The following GRID2 variants were observed in gnomAD, a reference collection of about 807,000 sequenced individuals.
GRID2 encodes glutamate receptor ionotropic, delta-2.
A neutral mutation model predicts 114.8 loss-of-function variants in GRID2; 33 were observed. The ratio of observed to expected loss-of-function variants is 0.29; its 90% confidence interval spans 0.22 to 0.38. GRID2 has a LOEUF of 0.38. GRID2 is among the 10% of genes least tolerant of loss of function. The probability of loss-of-function intolerance (pLI) is 1.00; values close to 1 mark genes in which losing one functional copy is unlikely to be tolerated. For synonymous variants in GRID2, 505 were observed against 449.9 expected (o/e 1.12, Z -1.55); for missense variants, 1,184 against 1,257.7 (o/e 0.94, Z 0.89).
intron 1 of GRID2, among the ~76,000 whole-genome samples, chr4:92,483,155 T>C (rs1722699294): frequency 6.6e-6 from 1 of 152,060 alleles, no homozygotes. Flanking sequence ...CTGGCCAATA[T>C]GGCGAAAACC....
chr4:92,736,859 C>G (rs1239382349), intron 2 of GRID2, among the ~76,000 whole-genome samples: 1 of 152,074 alleles, frequency 6.6e-6, no homozygotes. Context: ...GAAGAGATCA[C>G]TGTGGACAGG....
intron 2 of GRID2, among the ~76,000 whole-genome samples, chr4:92,868,016 T>TTTTC (rs57222462): frequency 0.048 from 6,313 of 132,696 alleles, 193 homozygotes; most frequent in Middle Eastern, 0.083. Context: ...TACTGAAAGG[T>TTTTC]TTTCTTTCTT....
At position 93,499,004 on chromosome 4, in the gene GRID2, A is replaced by G. The variant is rs1258168865; in HGVS notation, c.1997+8227A>G. ...CGTCATGAATAGGTGTTGGATTTTG[A>G]CAAATGATTTCATTTTTTATTGATT... On this transcript the variant is annotated intron_variant, in intron 12 of 15. Coordinates refer to ENST00000282020, the MANE Select transcript of GRID2 (RefSeq NM_001510.4). Among the ~76,000 whole-genome samples, 5 of 151,872 alleles carry G rather than the reference A, an allele frequency of 3.3e-5. No individual in the cohort carries two copies. In the East Asian group the frequency reaches 9.7e-4, roughly 29 times the overall value.
intron 1 of GRID2, among the ~76,000 whole-genome samples, chr4:92,502,551 G>T (rs555935735): frequency 3.3e-5 from 5 of 151,848 alleles, no homozygotes; most frequent in Non-Finnish European, 7.4e-5. Flanking sequence ...CTGGAACATC[G>T]AGGGTATAGT....
intron 1 of GRID2, among the ~76,000 whole-genome samples, chr4:92,373,097 A>G (rs1729193054): frequency 6.6e-6 from 1 of 152,114 alleles, no homozygotes; most frequent in South Asian, 2.1e-4. Context: ...CATGCTAGGT[A>G]ATTTGGGGGC....
At chr4:93,789,405 T>C (rs1484281393) in intron 1 of GRID2, among the ~76,000 whole-genome samples, 1 of 152,222 alleles carries the variant, frequency 6.6e-6, no homozygotes, top group East Asian at 1.9e-4. Context: ...AGTAAAGCAA[T>C]TGTTAATGTC....
At chr4:92,594,703 A>G (rs1303014293) in intron 2 of GRID2, among the ~76,000 whole-genome samples, 2 of 151,980 alleles carry the variant, frequency 1.3e-5, no homozygotes, top group African/African-American at 4.8e-5. Flanking sequence ...AACCTGAACC[A>G]AAGTAGCTGT....
At chr4:93,032,946 T>C (rs76895357) in intron 2 of GRID2, among the ~76,000 whole-genome samples, 1 of 152,184 alleles carries the variant, frequency 6.6e-6, no homozygotes, top group Non-Finnish European at 1.5e-5. Context: ...CTATAATTCT[T>C]ATTTTTCTTA....
chr4:93,761,997 G>A (rs564029873), intron 14 of GRID2, among the ~76,000 whole-genome samples: 8 of 152,184 alleles, frequency 5.3e-5, no homozygotes, highest in South Asian at 2.1e-4. Flanking sequence ...CTTCTGCTTC[G>A]ATGCAAGATT....
chr4:93,290,810 A>G (rs537942964), intron 8 of GRID2, among the ~76,000 whole-genome samples: 1 of 151,712 alleles, frequency 6.6e-6, no homozygotes, highest in Admixed American at 6.6e-5. Flanking sequence ...GAATACTCTG[A>G]ACACAGGGTA....
At chr4:93,004,929 TTCTTTG>T (rs1244751841) in intron 2 of GRID2, among the ~76,000 whole-genome samples, 2 of 152,064 alleles carry the variant, frequency 1.3e-5, no homozygotes, top group African/African-American at 4.8e-5. Context: ...TTGGTTTTGT[TTCTTTG>T]TCTTTGTTTT....
At chr4:92,305,720 A>C (rs1357632183) in intron 1 of GRID2, among the ~76,000 whole-genome samples, 1 of 152,104 alleles carries the variant, frequency 6.6e-6, no homozygotes, top group Non-Finnish European at 1.5e-5. Context: ...GCTGCGCGTC[A>C]TTATCATGCA....
At chr4:92,868,819 G>A (rs1259983501) in intron 2 of GRID2, among the ~76,000 whole-genome samples, 2 of 151,834 alleles carry the variant, frequency 1.3e-5, no homozygotes, top group Non-Finnish European at 2.9e-5. Context: ...TAAGTTGGCA[G>A]GTACATCTTA....
chr4:92,945,192 C>G (rs1356875635), intron 2 of GRID2, among the ~76,000 whole-genome samples: 1 of 152,108 alleles, frequency 6.6e-6, no homozygotes, highest in Non-Finnish European at 1.5e-5. Context: ...AAGATTTAAT[C>G]TTGAATCTTT....
intron 4 of GRID2, among the ~76,000 whole-genome samples, chr4:93,173,593 A>C (rs1281459263): frequency 6.6e-6 from 1 of 152,182 alleles, no homozygotes; most frequent in Non-Finnish European, 1.5e-5. Context: ...CCAACTTATT[A>C]TCATAACTTG....
rs761502663 is a variant in GRID2 at position 92,304,644 on chromosome 4, G to T, written c.-13G>T. 1.9e-6 allele frequency: 3 copies of T among 1,587,544 alleles called. No homozygotes were observed. Among genetic ancestry groups the T allele is most frequent in the Non-Finnish European group, 2.6e-6 (3 of 1,156,468 alleles). Reference sequence around the variant, plus strand: ...AGAAAATCCATCCTCCAAGAGAATCGGCATAGGAGGAGATGGAAGTTTTCC... The same window carrying T: ...AGAAAATCCATCCTCCAAGAGAATCTGCATAGGAGGAGATGGAAGTTTTCC... On this transcript the variant is annotated 5_prime_UTR_variant, in exon 1 of 16. Transcript: ENST00000282020.
chr4:92,920,972 C>CT (rs1749271707), intron 2 of GRID2, among the ~76,000 whole-genome samples: 1 of 152,182 alleles, frequency 6.6e-6, no homozygotes, highest in Non-Finnish European at 1.5e-5. Context: ...CTCCCAGTCA[C>CT]TTTCAGGTAC....
rs201700265 is a variant in GRID2, at chr4:93,168,907, A to G, written c.736-38497A>G. On this transcript the variant is annotated intron_variant, in intron 4 of 15. Transcript: ENST00000282020. ...TGCATTTGGCTCTGAGCAAAAGGAC[A>G]CTGGTAGGATAACAATTAAAATAAA... Among the ~76,000 whole-genome samples the G allele has an allele frequency of 4.6e-5, 7 of 152,276 alleles. No individual in the cohort carries two copies. In the East Asian group the frequency reaches 1.4e-3, roughly 29 times the overall value.
intron 4 of GRID2, among the ~76,000 whole-genome samples, chr4:93,124,565 C>G (rs1413590973): frequency 6.6e-6 from 1 of 152,158 alleles, no homozygotes; most frequent in Admixed American, 6.5e-5. Context: ...GAGTCCGAAC[C>G]TATTTGCCAA....
Sources: allele counts gnomAD v4.1 joint callset (sites outside exome capture counted in the v4.1 genomes callset), GRCh38; gene constraint gnomAD v4.1.1; transcripts MANE v1.5; gene names NCBI Gene and HGNC (gene_info 2026-07-23, HGNC 2026-07-21).